The following SNRPE variants were observed in gnomAD, a reference collection of about 807,000 sequenced individuals.
The protein encoded by SNRPE is small nuclear ribonucleoprotein E.
For synonymous variants in SNRPE, 35 were observed against 36.7 expected (o/e 0.95, Z 0.17); for missense variants, 53 against 111.6 (o/e 0.48, Z 2.36).
At chr1:203,861,908 T>C in intron 1 of SNRPE, 195 bp downstream of exon 1, 1 of 625,042 alleles carries the variant, frequency 1.6e-6, no homozygotes, top group East Asian at 2.7e-5. Context: ...ACCCCTGCCG[T>C]GGGGAATGCA....
chr1:203,870,855 T>C lies in SNRPE; in HGVS notation c.*923T>C, dbSNP rs1384855782. On this transcript the variant is annotated 3_prime_UTR_variant, in exon 5 of 5. Transcript: ENST00000414487. Reference sequence around the variant, plus strand: ...TTTTAATGCCTCATTCTAAGTGCTATTTAAATTGGATCTTGAAAGATGAAT... The same window carrying C: ...TTTTAATGCCTCATTCTAAGTGCTACTTAAATTGGATCTTGAAAGATGAAT... Among the ~76,000 whole-genome samples the C allele has an allele frequency of 6.6e-6, 1 of 152,212 alleles. No individual in the cohort carries two copies. The highest frequency in any genetic ancestry group is 2.4e-5 in the African/African-American group (1 of 41,452).
At chr1:203,863,596 G>T in intron 2 of SNRPE, 67 bp from the exon 3 acceptor site, 2 of 1,103,840 alleles carry the variant, frequency 1.8e-6, no homozygotes, top group Non-Finnish European at 2.8e-6. Flanking sequence ...TGGGATTACA[G>T]GCGTGAGCCA....
In SNRPE at chr1:203,870,047, A is replaced by C; in HGVS notation, c.*115A>C. 1.6e-6 allele frequency: 1 copy of C among 608,438 alleles called. No individual in the cohort carries two copies. The highest frequency in any genetic ancestry group is 3.0e-5 in the East Asian group (1 of 33,164). 37.7% of individuals were successfully genotyped at this position (608,438 alleles called of 1,614,324 possible). A position where few individuals can be genotyped will look rare whatever the true frequency, so the allele number is the denominator to read the frequency against. ...TTGATTACCCTCGTGTTACTACAAGATGGCAATAAATACTATGGGATTGTT... is the reference window on the plus strand; with the variant it reads ...TTGATTACCCTCGTGTTACTACAAGCTGGCAATAAATACTATGGGATTGTT... On this transcript the variant is annotated 3_prime_UTR_variant, in exon 5 of 5. Transcript: ENST00000414487.
intron 4 of SNRPE, among the ~76,000 whole-genome samples, chr1:203,868,058 ATTTC>A (rs1207098993): frequency 1.4e-5 from 2 of 142,446 alleles, no homozygotes; most frequent in African/African-American, 2.6e-5. Flanking sequence ...AATGAATGGT[ATTTC>A]TTTCTTTTGT....
intron 3 of SNRPE, among the ~76,000 whole-genome samples, chr1:203,864,405 A>G (rs1489444412): frequency 6.6e-6 from 1 of 151,506 alleles, no homozygotes; most frequent in African/African-American, 2.4e-5. Flanking sequence ...GGGGTTAGTT[A>G]AATAAGGCTT....
chr1:203,863,120 A>AT (rs1323908690), intron 2 of SNRPE, among the ~76,000 whole-genome samples: 1 of 141,258 alleles, frequency 7.1e-6, no homozygotes, highest in Non-Finnish European at 1.5e-5. Flanking sequence ...ATTCATTACA[A>AT]TTTTTTTAGG....
intron 4 of SNRPE, among the ~76,000 whole-genome samples, chr1:203,869,557 A>G (rs1043831296): frequency 2.0e-5 from 3 of 152,134 alleles, no homozygotes; most frequent in African/African-American, 7.2e-5. Context: ...TGTATTTCCC[A>G]AACTTGACAT....
intron 3 of SNRPE, 113 bp from the exon 4 acceptor site, chr1:203,864,928 T>C: frequency 1.1e-6 from 1 of 918,420 alleles, no homozygotes; most frequent in Non-Finnish European, 1.5e-6. Flanking sequence ...GGGTGGGGCT[T>C]GAGAAGAGTG....
chr1:203,868,782 G>A (rs1690147735), intron 4 of SNRPE, among the ~76,000 whole-genome samples: 1 of 149,610 alleles, frequency 6.7e-6, no homozygotes, highest in East Asian at 2.0e-4. Context: ...CGATTCTCCT[G>A]CCTCAGCCTC....
chr1:203,863,416 C>T (rs555519533), intron 2 of SNRPE, among the ~76,000 whole-genome samples: 9 of 152,260 alleles, frequency 5.9e-5, no homozygotes, highest in African/African-American at 2.2e-4. Flanking sequence ...CTCCCGGGTT[C>T]AAGCGATTCT....
intron 1 of SNRPE, 142 bp from the exon 2 acceptor site, chr1:203,862,054 C>T (rs1572401808): frequency 4.3e-6 from 3 of 692,822 alleles, no homozygotes. Flanking sequence ...TAACGAATGC[C>T]CAGCTGGGCA....
intron 3 of SNRPE, among the ~76,000 whole-genome samples, chr1:203,864,043 C>T (rs1342182934): frequency 1.3e-5 from 2 of 152,162 alleles, no homozygotes. Flanking sequence ...CAGCCTCAAC[C>T]TCCCGGGCTC....
Position 203,861,656 on chromosome 1 carries a change from C to T in SNRPE, c.-4C>T, listed in dbSNP as rs762683876. ...TGCGGGTGTGCTCTTTGTGAAATTC[C>T]ACCATGGCGTACCGTGGCCAGGGTC... is the stretch of plus-strand genomic sequence containing the variant. On this transcript the variant is annotated 5_prime_UTR_variant, in exon 1 of 5. Coordinates refer to ENST00000414487, the MANE Select transcript of SNRPE (RefSeq NM_003094.4). The T allele has an allele frequency of 1.9e-6, 3 of 1,611,736 alleles. No homozygotes were observed. The highest frequency in any genetic ancestry group is 2.5e-6 in the Non-Finnish European group (3 of 1,177,794).
intron 4 of SNRPE, among the ~76,000 whole-genome samples, chr1:203,867,015 A>C (rs1470882337): frequency 6.6e-6 from 1 of 151,392 alleles, no homozygotes; most frequent in African/African-American, 2.4e-5. Context: ...TCACACCTGT[A>C]ATCCCAGCAC....
intron 1 of SNRPE, 82 bp from the exon 2 acceptor site, chr1:203,862,114 G>A (rs1689989998): frequency 9.0e-7 from 1 of 1,112,380 alleles, no homozygotes; most frequent in South Asian, 1.3e-5. Flanking sequence ...ACAAAGGTGA[G>A]ACGGGAATAG....
Position 203,867,329 on chromosome 1 carries a change from C to T in SNRPE, c.223+2210C>T, listed in dbSNP as rs559146732. Among the ~76,000 whole-genome samples the T allele has an allele frequency of 3.3e-5, 5 of 151,138 alleles. No individual in the cohort carries two copies. In the South Asian group the frequency reaches 8.4e-4, roughly 25 times the overall value. The stretch of plus-strand genomic sequence containing the variant: ...CCCCAACCATTTTGGCACCAGGGAC[C>T]GGTTTTGTGGAAGACAATTTTTCTG... On this transcript the variant is annotated intron_variant, in intron 4 of 4. Coordinates refer to ENST00000414487, the MANE Select transcript of SNRPE (RefSeq NM_003094.4).
At chr1:203,862,414 C>G (rs149492344) in intron 2 of SNRPE, among the ~76,000 whole-genome samples, 192 bp downstream of exon 2, 2 of 152,122 alleles carry the variant, frequency 1.3e-5, no homozygotes, top group Non-Finnish European at 2.9e-5. Context: ...CATGCCACTT[C>G]CCAACATGCA....
Position 203,869,957 on chromosome 1 carries a change from G to A in SNRPE, c.*25G>A. On this transcript the variant is annotated 3_prime_UTR_variant, in exon 5 of 5. Transcript: ENST00000414487. ...GAAATGATCAATGAAGTGAGAAATT[G>A]TTGAGAAGGATACAGTTTGTTTTTA... is the stretch of plus-strand genomic sequence containing the variant. The A allele has an allele frequency of 2.0e-6, 3 of 1,467,520 alleles. No individual in the cohort carries two copies. The highest frequency in any genetic ancestry group is 2.8e-6 in the Non-Finnish European group (3 of 1,055,948). The allele number at this position is 1,467,520 out of a possible 1,614,324, so 90.9% of individuals were successfully genotyped here.
intron 4 of SNRPE, among the ~76,000 whole-genome samples, chr1:203,866,634 T>C (rs1325293514): frequency 6.6e-6 from 1 of 152,218 alleles, no homozygotes; most frequent in Non-Finnish European, 1.5e-5. Context: ...TTCAGCTTAC[T>C]AATTGATTTC....
Sources: allele counts gnomAD v4.1 joint callset (sites outside exome capture counted in the v4.1 genomes callset), GRCh38; gene constraint gnomAD v4.1.1; transcripts MANE v1.5; gene names NCBI Gene and HGNC (gene_info 2026-07-23, HGNC 2026-07-21).